The following ZNF814 variants were observed in gnomAD, a reference collection of about 807,000 sequenced individuals.
ZNF814 encodes the protein zinc finger protein 814.
In ZNF814, 5 loss-of-function variants were observed where a neutral mutation model predicts 7.5. That is an observed-to-expected ratio of 0.67 (90% CI 0.35 to 1.40). The LOEUF is 1.40. ZNF814 is among the 40% of genes most tolerant of loss of function. ZNF814 has a pLI of 0.04. For synonymous variants in ZNF814, 315 were observed against 340.7 expected, an observed-to-expected ratio of 0.92 and a Z score of 0.83; for missense variants, 962 against 1,018.0, an observed-to-expected ratio of 0.94 and a Z score of 0.75.
rs1436997597 is a variant in ZNF814 at position 57,869,748 on chromosome 19, C to T, written c.*3074G>A. On this transcript the variant is annotated 3_prime_UTR_variant, in exon 3 of 3. Transcript: ENST00000435989. ...TCACCTGAGGTCAGGAGTCCAAGAT[C>T]AGCCTGGCCAACATGGCAAAACTCC... 6.6e-6 allele frequency: 1 copy of T among 151,878 alleles called. No individual in the cohort carries two copies. The highest frequency in any genetic ancestry group is 1.5e-5 in the Non-Finnish European group (1 of 67,960). 9.4% of individuals were successfully genotyped at this position (151,878 alleles called of 1,614,324 possible). A position where few individuals can be genotyped will look rare whatever the true frequency, so the allele number is the denominator to read the frequency against.
chr19:57,871,302 C>T lies in ZNF814; in HGVS notation c.*1520G>A, dbSNP rs1417083284. On this transcript the variant is annotated 3_prime_UTR_variant, in exon 3 of 3. Coordinates refer to ENST00000435989, the MANE Select transcript of ZNF814 (RefSeq NM_001144989.2). ...CTATGAACCCACAAATTTTAGTATC[C>T]GTGCTACAGATAAAGACCACAAAGC... 1.3e-5 allele frequency: 2 copies of T among 152,144 alleles called. No homozygotes were observed. The highest frequency in any genetic ancestry group is 1.9e-4 in the East Asian group (1 of 5,190). The allele number at this position is 152,144 out of a possible 1,614,324, so 9.4% of individuals were successfully genotyped here. A position where few individuals can be genotyped will look rare whatever the true frequency, so the allele number is the denominator to read the frequency against.
the ZNF814 span, among the ~76,000 whole-genome samples, chr19:57,902,812 C>G: frequency 6.6e-6 from 1 of 151,976 alleles, no homozygotes; most frequent in Non-Finnish European, 1.5e-5. Context: ...AGGCGCCCAC[C>G]ACCATGCCCG....
At chr19:57,882,870 A>G (rs1025764487) in intron 1 of ZNF814, among the ~76,000 whole-genome samples, 4 of 151,014 alleles carry the variant, frequency 2.6e-5, no homozygotes, top group Non-Finnish European at 5.9e-5. Context: ...ATCTACAAGC[A>G]TCAACACCAT....
chr19:57,889,003 C>G lies in ZNF814; in HGVS notation c.-201G>C, dbSNP rs1207733060. The G allele has an allele frequency of 1.9e-5, 11 of 586,128 alleles. No individual in the cohort carries two copies. The highest frequency in any genetic ancestry group is 2.8e-5 in the East Asian group (1 of 35,514). 36.3% of individuals were successfully genotyped at this position (586,128 alleles called of 1,614,324 possible). A position where few individuals can be genotyped will look rare whatever the true frequency, so the allele number is the denominator to read the frequency against. On this transcript the variant is annotated 5_prime_UTR_variant, in exon 1 of 3. Transcript: ENST00000435989. ...ACAGTGCGGACCTAGCGCTCAGGAG[C>G]CTCTCCTACAAATAAATCCAACACC...
the ZNF814 span, among the ~76,000 whole-genome samples, chr19:57,894,665 T>C: frequency 6.6e-6 from 1 of 150,766 alleles, no homozygotes; most frequent in Non-Finnish European, 1.5e-5. Flanking sequence ...CCGTCTCTAC[T>C]AAAAATACAA....
chr19:57,882,856 G>A (rs1299172897), intron 1 of ZNF814, among the ~76,000 whole-genome samples: 2 of 151,986 alleles, frequency 1.3e-5, no homozygotes, highest in Admixed American at 1.3e-4. Context: ...AGACACTGAT[G>A]AACATCTACA....
At chr19:57,878,587 T>C (rs1250950475) in intron 1 of ZNF814, among the ~76,000 whole-genome samples, 3 of 151,752 alleles carry the variant, frequency 2.0e-5, no homozygotes, top group Non-Finnish European at 4.4e-5. Context: ...AGCTCCTCAG[T>C]AGCTGGGATT....
rs776576734 is a variant in ZNF814 at position 57,876,958 on chromosome 19, G to C, written c.121C>G (p.Arg41Gly). Residue 41 changes from arginine (R) to glycine (G), a missense_variant, in exon 2 of 3, where the codon CGT (arginine) becomes GGT (glycine). This residue lies in a region of ZNF814 where 63 missense variants were observed against 65.0 expected (regional missense o/e 0.97). Coordinates refer to ENST00000435989, the MANE Select transcript of ZNF814 (RefSeq NM_001144989.2). ...LLSEAQRCLY[R>G]DVTLENLALI... is the part of the protein sequence containing the mutation. The stretch of plus-strand genomic sequence containing the variant: ...GCCAGGTTCTCCAGCGTCACATCAC[G>C]GTACAGGCATCTCTGAGCCTCACTA... The C allele has an allele frequency of 6.2e-7, 1 of 1,613,958 alleles. No homozygotes were observed. The highest frequency in any genetic ancestry group is 1.3e-5 in the African/African-American group (1 of 74,880).
At chr19:57,885,176 C>T (rs1189278304) in intron 1 of ZNF814, among the ~76,000 whole-genome samples, 1 of 151,766 alleles carries the variant, frequency 6.6e-6, no homozygotes, top group Admixed American at 6.6e-5. Flanking sequence ...CAAAAAATTA[C>T]CCAGGTGTGG....
chr19:57,903,704 A>G, the ZNF814 span, among the ~76,000 whole-genome samples: 1 of 152,200 alleles, frequency 6.6e-6, no homozygotes, highest in Non-Finnish European at 1.5e-5. Flanking sequence ...GACCACTGGA[A>G]ACTCTACACT....
chr19:57,887,137 G>A (rs2071700275), intron 1 of ZNF814, among the ~76,000 whole-genome samples: 6 of 152,198 alleles, frequency 3.9e-5, no homozygotes, highest in Admixed American at 3.3e-4. Context: ...GCAGTGAGCC[G>A]AGATCACACC....
Position 57,873,487 on chromosome 19 carries a change from C to T in ZNF814, c.1903G>A (p.Gly635Arg). Residue 635 changes from glycine (G) to arginine (R), a missense_variant, in exon 3 of 3, where the codon GGA (glycine) becomes AGA (arginine). Around this residue, in one of 7 missense-constraint regions of ZNF814, gnomAD observed 665 missense variants for 551.4 expected, o/e 1.21. Transcript: ENST00000435989. ...MHTGERPYKCGDCGKSFNEKG... is the reference protein window; with the variant it reads ...MHTGERPYKCRDCGKSFNEKG... ...TCATTAAAAGATTTCCCACAGTCTC[C>T]ACACTTGTAAGGTCTTTCTCCAGTG... 6.2e-7 allele frequency: 1 copy of T among 1,614,078 alleles called. No individual in the cohort carries two copies. Among genetic ancestry groups the T allele is most frequent in the Non-Finnish European group, 8.5e-7 (1 of 1,180,002 alleles).
chr19:57,888,147 A>G (rs1411605478), intron 1 of ZNF814, among the ~76,000 whole-genome samples: 1 of 152,188 alleles, frequency 6.6e-6, no homozygotes, highest in Admixed American at 6.6e-5. Flanking sequence ...TCGCCCGGGT[A>G]CAACAGTGTT....
chr19:57,886,754 C>T (rs1470526180), intron 1 of ZNF814, among the ~76,000 whole-genome samples: 2 of 152,012 alleles, frequency 1.3e-5, no homozygotes, highest in Non-Finnish European at 2.9e-5. Context: ...GTGGCGGGTG[C>T]CTGTAATCCC....
the ZNF814 span, among the ~76,000 whole-genome samples, chr19:57,905,047 C>CAAAAAA: frequency 5.6e-5 from 3 of 53,420 alleles, no homozygotes; most frequent in African/African-American, 8.7e-5. Context: ...AACTCCGTCT[C>CAAAAAA]AAAAAAAAAA....
At chr19:57,889,874 T>A (rs1022054849), upstream of ZNF814, among the ~76,000 whole-genome samples, 24 of 151,732 alleles carry the variant, frequency 1.6e-4, no homozygotes, top group East Asian at 3.9e-4. Context: ...GAAAAAAAAA[T>A]AAAAATAAAA....
intron 2 of ZNF814, 147 bp downstream of exon 2, chr19:57,876,769 C>T: frequency 7.3e-7 from 1 of 1,373,898 alleles, no homozygotes; most frequent in East Asian, 2.4e-5. Flanking sequence ...AGTATGTACA[C>T]CTCAGACCTA....
chr19:57,890,348 T>C (rs1004976887), upstream of ZNF814, among the ~76,000 whole-genome samples: 3 of 152,008 alleles, frequency 2.0e-5, no homozygotes, highest in African/African-American at 7.3e-5. Context: ...TTTGTTGTTG[T>C]TGTTGTTTAT....
In ZNF814 at chr19:57,875,537, A is replaced by G. The variant is rs1345291133; in HGVS notation, c.164-311T>C. ...TGTCCTCATGACATGTGAGTGCTGT[A>G]GAGAGGGATTTGTCCAGGCCAAGGA... is the stretch of plus-strand genomic sequence containing the variant. On this transcript the variant is annotated intron_variant, in intron 2 of 2. Coordinates refer to ENST00000435989, the MANE Select transcript of ZNF814 (RefSeq NM_001144989.2). Among the ~76,000 whole-genome samples, 5 of 152,226 alleles carry G rather than the reference A, an allele frequency of 3.3e-5. 1 individual carries two copies. In the East Asian group the frequency reaches 9.6e-4, roughly 29 times the overall value.
Sources: gnomAD v4.1 joint callset for allele counts (sites outside exome capture counted in the v4.1 genomes callset) on GRCh38, gnomAD v4.1.1 for gene constraint, gnomAD v4.1.1 regional missense constraint, MANE v1.5 for transcripts, NCBI Gene and HGNC (gene_info 2026-07-23, HGNC 2026-07-21) for gene names.